Variants in UBL3 observed in about 807,000 individuals in gnomAD.
UBL3 encodes ubiquitin like 3.
A neutral mutation model predicts 18.4 loss-of-function variants in UBL3; 6 were observed. The observed-to-expected ratio is 0.33, with a 90% confidence interval of 0.18 to 0.64. The LOEUF is 0.64. Ranked by LOEUF, UBL3 falls within the 30% of genes least tolerant of loss-of-function variation. UBL3 has a pLI of 0.76. For missense variants in UBL3, 109 were observed against 142.9 expected, an observed-to-expected ratio of 0.76 and a Z score of 1.21; for synonymous variants, 49 against 46.6, an observed-to-expected ratio of 1.05 and a Z score of -0.21.
intron 1 of UBL3, among the ~76,000 whole-genome samples, chr13:29,835,116 A>ATCTCCACCC (rs1878901739): frequency 4.0e-5 from 1 of 24,806 alleles, no homozygotes; most frequent in Non-Finnish European, 6.6e-5. Context: ...AAATATATAT[A>ATCTCCACCC]TATATATAAA....
intron 2 of UBL3, among the ~76,000 whole-genome samples, chr13:29,775,100 T>C (rs720083): frequency 0.32 from 49,212 of 152,054 alleles, 9,796 homozygotes; most frequent in Non-Finnish European, 0.43. Flanking sequence ...TGTAGGAACA[T>C]AGGCATGACA....
At chr13:29,786,082 T>G (rs1877306864) in intron 1 of UBL3, among the ~76,000 whole-genome samples, 1 of 152,226 alleles carries the variant, frequency 6.6e-6, no homozygotes, top group Non-Finnish European at 1.5e-5. Flanking sequence ...TCTCCCATTC[T>G]AGAGTTGTGG....
chr13:29,826,243 T>G (rs1446553161), intron 1 of UBL3, among the ~76,000 whole-genome samples: 1 of 152,232 alleles, frequency 6.6e-6, no homozygotes, highest in Non-Finnish European at 1.5e-5. Context: ...CCTCTTTTTC[T>G]ATTGATTGGA....
chr13:29,795,755 G>GAAAA (rs57782695), intron 1 of UBL3, among the ~76,000 whole-genome samples: 26 of 66,132 alleles, frequency 3.9e-4, no homozygotes, highest in South Asian at 7.4e-4. Flanking sequence ...CCTCATCTCA[G>GAAAA]AAAAAAAAAA....
rs185249656 is a variant in UBL3 at position 29,843,486 on chromosome 13, C to T, written c.27+6026G>A. On this transcript the variant is annotated intron_variant, in intron 1 of 4. Coordinates refer to ENST00000380680, the MANE Select transcript of UBL3 (RefSeq NM_007106.4). ...CTTGGTTTTAAGAGCTGTCATAAGT[C>T]ATACCTGAAAAACTTATCTTACAAA... is the stretch of plus-strand genomic sequence containing the variant. Among the ~76,000 whole-genome samples the T allele has an allele frequency of 1.8e-3, 280 of 152,182 alleles. 4 individuals are homozygous for T. Among genetic ancestry groups the T allele is most frequent in the Middle Eastern group, 0.014 (4 of 290 alleles).
intron 1 of UBL3, among the ~76,000 whole-genome samples, chr13:29,790,439 C>T (rs566282418): frequency 6.6e-6 from 1 of 152,252 alleles, no homozygotes; most frequent in South Asian, 2.1e-4. Flanking sequence ...CAAAAACCTT[C>T]TTCTCATTTG....
chr13:29,806,949 A>G (rs1004387094), intron 1 of UBL3, among the ~76,000 whole-genome samples: 12 of 152,152 alleles, frequency 7.9e-5, no homozygotes, highest in Non-Finnish European at 1.5e-4. Flanking sequence ...TTCCAAACTA[A>G]TATTTAATAT....
chr13:29,814,379 A>G (rs1395499340), intron 1 of UBL3, among the ~76,000 whole-genome samples: 1 of 152,032 alleles, frequency 6.6e-6, no homozygotes, highest in Non-Finnish European at 1.5e-5. Flanking sequence ...ATTAATGGCA[A>G]TGACATGAAA....
intron 1 of UBL3, among the ~76,000 whole-genome samples, chr13:29,825,320 A>C (rs983741434): frequency 1.6e-4 from 25 of 152,274 alleles, no homozygotes; most frequent in South Asian, 2.1e-4. Flanking sequence ...GATATTGATT[A>C]TTCCTATCCA....
intron 1 of UBL3, among the ~76,000 whole-genome samples, chr13:29,787,502 T>C (rs1018679248): frequency 6.6e-6 from 1 of 152,218 alleles, no homozygotes; most frequent in African/African-American, 2.4e-5. Context: ...AAAATTACTT[T>C]TTTTGCAAGT....
At chr13:29,817,039 C>T (rs990325308) in intron 1 of UBL3, among the ~76,000 whole-genome samples, 1 of 152,170 alleles carries the variant, frequency 6.6e-6, no homozygotes, top group Non-Finnish European at 1.5e-5. Flanking sequence ...CATGGCAGTG[C>T]TGCCATGCCG....
In UBL3 at chr13:29,816,205, A is replaced by T. The variant is rs537034319; in HGVS notation, c.27+33307T>A. On this transcript the variant is annotated intron_variant, in intron 1 of 4. Transcript: ENST00000380680. ...TCTGTAAACATATTACAATTTTATT[A>T]TTGAATAATATTAATATTATTACAT... Among the ~76,000 whole-genome samples, 139 of 152,274 alleles carry T rather than the reference A, an allele frequency of 9.1e-4. 1 individual carries two copies. Among genetic ancestry groups the T allele is most frequent in the African/African-American group, 3.3e-3 (137 of 41,556 alleles).
intron 1 of UBL3, among the ~76,000 whole-genome samples, chr13:29,836,214 C>T (rs1747062): frequency 0.1 from 15,508 of 152,014 alleles, 967 homozygotes; most frequent in African/African-American, 0.17. Context: ...CTCCAAGAGA[C>T]GTCTGACTTA....
At chr13:29,774,498 T>C (rs980136364) in intron 2 of UBL3, among the ~76,000 whole-genome samples, 1 of 152,180 alleles carries the variant, frequency 6.6e-6, no homozygotes, top group East Asian at 1.9e-4. Flanking sequence ...CTGATAGTTA[T>C]CTATTCCTGC....
At chr13:29,833,055 C>G (rs545186791) in intron 1 of UBL3, among the ~76,000 whole-genome samples, 75 of 152,148 alleles carry the variant, frequency 4.9e-4, no homozygotes, top group Non-Finnish European at 6.3e-4. Flanking sequence ...AGGGTACATA[C>G]AAGGGGCCAA....
intron 1 of UBL3, among the ~76,000 whole-genome samples, chr13:29,812,182 T>C (rs1473802934): frequency 2.0e-5 from 3 of 152,104 alleles, no homozygotes; most frequent in Non-Finnish European, 2.9e-5. Flanking sequence ...TTACCATTAT[T>C]TATTCCCCAT....
At chr13:29,839,027 G>A (rs1389114775) in intron 1 of UBL3, among the ~76,000 whole-genome samples, 1 of 152,142 alleles carries the variant, frequency 6.6e-6, no homozygotes, top group Non-Finnish European at 1.5e-5. Context: ...TTTATTTGTA[G>A]CTAATAACTT....
Position 29,776,895 on chromosome 13 carries a change from AAAAAAAT to A in UBL3, c.136+253_136+259del, listed in dbSNP as rs1186862227. On this transcript the variant is annotated intron_variant, in intron 2 of 4. Coordinates refer to ENST00000380680, the MANE Select transcript of UBL3 (RefSeq NM_007106.4). Reference sequence around the variant, plus strand: ...AAAAAAAAAAAAAAAAAAAAAAAAAAAAAAAATTTTTTTCACTTACGTTAAAACAGTT... The same window carrying A: ...AAAAAAAAAAAAAAAAAAAAAAAAAATTTTTTCACTTACGTTAAAACAGTT... Among the ~76,000 whole-genome samples, 14 of 91,830 alleles carry A rather than the reference AAAAAAAT, an allele frequency of 1.5e-4. No individual in the cohort carries two copies. The East Asian group carries it at 2.1e-3, about 14-fold the overall frequency. 60.2% of individuals were successfully genotyped at this position (91,830 alleles called of 152,430 possible).
At chr13:29,788,892 C>T (rs1408977028) in intron 1 of UBL3, among the ~76,000 whole-genome samples, 81 of 25,860 alleles carry the variant, frequency 3.1e-3, no homozygotes, top group African/African-American at 5.0e-3. Flanking sequence ...CGCACGCGCA[C>T]GTGTGTGCGT....
Sources: gnomAD v4.1 joint callset for allele counts (sites outside exome capture counted in the v4.1 genomes callset) on GRCh38, gnomAD v4.1.1 for gene constraint, MANE v1.5 for transcripts, NCBI Gene and HGNC (gene_info 2026-07-23, HGNC 2026-07-21) for gene names.